Variants in WDR43 observed in about 807,000 individuals in gnomAD.
The protein encoded by WDR43 is WD repeat domain 43.
A neutral mutation model predicts 91.4 loss-of-function variants in WDR43; 13 were observed. The observed-to-expected ratio is 0.14, with a 90% CI of 0.09 to 0.23. The LOEUF is 0.23. WDR43 is among the 10% of genes least tolerant of loss of function. The pLI is 1.00. For missense variants in WDR43, 780 were observed against 809.4 expected, an observed-to-expected ratio of 0.96 and a Z score of 0.44; for synonymous variants, 331 against 287.9, an observed-to-expected ratio of 1.15 and a Z score of -1.51.
intron 9 of WDR43, chr2:28,927,127 T>C (rs771412679): frequency 5.8e-6 from 3 of 519,614 alleles, no homozygotes; most frequent in Non-Finnish European, 1.2e-5. Context: ...GACACCTTTC[T>C]CTTGGCTGTC....
At chr2:28,929,836 G>A (rs1285447082) in intron 11 of WDR43, 126 bp downstream of exon 11, 3 of 1,036,130 alleles carry the variant, frequency 2.9e-6, no homozygotes, top group African/African-American at 1.6e-5. Flanking sequence ...TGTTTTATGA[G>A]TTTAGTCAAA....
At chr2:28,926,764 A>G (rs1671150678) in intron 9 of WDR43, among the ~76,000 whole-genome samples, 1 of 152,180 alleles carries the variant, frequency 6.6e-6, no homozygotes, top group African/African-American at 2.4e-5. Flanking sequence ...CTAGCAGTTG[A>G]AGACCTTGGA....
intron 6 of WDR43, among the ~76,000 whole-genome samples, chr2:28,918,258 A>G (rs1325662653): frequency 6.6e-6 from 1 of 152,168 alleles, no homozygotes; most frequent in Non-Finnish European, 1.5e-5. Context: ...GGATTTTGTT[A>G]CTAGGAGTAT....
At chr2:28,913,774 A>G (rs772921820) in intron 4 of WDR43, 8 of 579,616 alleles carry the variant, frequency 1.4e-5, no homozygotes, top group East Asian at 8.6e-5. Context: ...TAAAATGGAT[A>G]GAATTAAGTG....
chr2:28,936,193 TA>T (rs908262881), intron 12 of WDR43, among the ~76,000 whole-genome samples: 38 of 145,768 alleles, frequency 2.6e-4, no homozygotes, highest in South Asian at 4.3e-4. Context: ...GACCCCATCT[TA>T]AAAAAAAAAA....
chr2:28,899,352 G>T (rs962158728), intron 1 of WDR43, among the ~76,000 whole-genome samples: 1 of 152,168 alleles, frequency 6.6e-6, no homozygotes, highest in African/African-American at 2.4e-5. Context: ...AGAAGTTTCC[G>T]TGGAGGAGGT....
chr2:28,940,212 A>G lies in WDR43; in HGVS notation c.1621-1249A>G, dbSNP rs369446523. Among the ~76,000 whole-genome samples, 7 of 150,496 alleles carry G rather than the reference A, an allele frequency of 4.7e-5. No individual in the cohort carries two copies. In the East Asian group the frequency reaches 1.4e-3, roughly 30 times the overall value. ...CACGGGGGTAGGGGGTGAGGTGGGGAAGCCAGCGTTGTTCTTTTTCTTTTT... is the reference window on the plus strand; with the variant it reads ...CACGGGGGTAGGGGGTGAGGTGGGGGAGCCAGCGTTGTTCTTTTTCTTTTT... On this transcript the variant is annotated intron_variant, in intron 14 of 17. Coordinates refer to ENST00000407426, the MANE Select transcript of WDR43 (RefSeq NM_015131.3).
intron 15 of WDR43, 106 bp from the exon 16 acceptor site, chr2:28,942,206 A>G (rs1671450961): frequency 1.9e-6 from 2 of 1,035,218 alleles, no homozygotes; most frequent in African/African-American, 1.6e-5. Flanking sequence ...ATGGTGGTGG[A>G]GGGTGAGTTA....
chr2:28,912,834 G>A lies in WDR43; in HGVS notation c.606+124G>A, dbSNP rs181945268. 3.1e-6 allele frequency: 4 copies of A among 1,294,976 alleles called. No individual in the cohort carries two copies. In the East Asian group the frequency reaches 1.0e-4, roughly 33 times the overall value. The allele number at this position is 1,294,976 out of a possible 1,614,324, so 80.2% of individuals were successfully genotyped here. A position where few individuals can be genotyped will look rare whatever the true frequency, so the allele number is the denominator to read the frequency against. On this transcript the variant is annotated intron_variant, in intron 4 of 17. Transcript: ENST00000407426. ...TCTTCATTGTCAGGTACATCAAATA[G>A]TTTAGTGGATAAAAGTTAGCCTCCT...
At chr2:28,929,521 C>A in intron 10 of WDR43, 58 bp from the exon 11 acceptor site, 2 of 1,384,824 alleles carry the variant, frequency 1.4e-6, no homozygotes, top group Non-Finnish European at 9.5e-7. Context: ...TTTTTTTTGT[C>A]TCCAAACTAC....
chr2:28,923,302 CG>C, intron 7 of WDR43, among the ~76,000 whole-genome samples: 1 of 152,128 alleles, frequency 6.6e-6, no homozygotes, highest in South Asian at 2.1e-4. Context: ...TATCTTTGAG[CG>C]TGCTTTACTT....
chr2:28,907,446 CAAAAA>C (rs34966684), intron 3 of WDR43, among the ~76,000 whole-genome samples: 2 of 19,242 alleles, frequency 1.0e-4, no homozygotes, highest in Admixed American at 7.6e-4. Flanking sequence ...CACCTCTTTA[CAAAAA>C]AAAAAAAAAA....
intron 10 of WDR43, among the ~76,000 whole-genome samples, chr2:28,928,747 T>G (rs1026202346): frequency 3.3e-5 from 5 of 152,194 alleles, no homozygotes; most frequent in African/African-American, 1.2e-4. Context: ...AATGGTTTGA[T>G]CTTGGCTCAC....
intron 12 of WDR43, 147 bp downstream of exon 12, chr2:28,935,754 A>G (rs74949295): frequency 7.7e-6 from 2 of 259,560 alleles, no homozygotes; most frequent in East Asian, 1.3e-4. Context: ...AGACAAAAAA[A>G]AAAAAAAAAA....
intron 3 of WDR43, among the ~76,000 whole-genome samples, chr2:28,909,294 A>G (rs1441550210): frequency 6.6e-6 from 1 of 152,004 alleles, no homozygotes; most frequent in Non-Finnish European, 1.5e-5. Flanking sequence ...ACCTGCCACC[A>G]TGCCTGGCTA....
At chr2:28,927,409 T>C (rs1471800406) in intron 9 of WDR43, 160 bp from the exon 10 acceptor site, 2 of 888,180 alleles carry the variant, frequency 2.3e-6, no homozygotes, top group African/African-American at 1.7e-5. Flanking sequence ...TTAAAAAGTT[T>C]GTCAACATTC....
Position 28,929,625 on chromosome 2 carries a change from A to G in WDR43, c.1352A>G (p.Lys451Arg), listed in dbSNP as rs763896591. 2 of 1,613,798 alleles carry G rather than the reference A, an allele frequency of 1.2e-6. No individual in the cohort carries two copies. Among genetic ancestry groups the G allele is most frequent in the Admixed American group, 3.3e-5 (2 of 60,016 alleles). ...GGAGCAATGGATATAGACACACACA[A>G]AAAAGGAAAGGAAGACCTCCAGACG... ...RLGAMDIDTH[K>R]KGKEDLQTNS... Residue 451 changes from lysine (K) to arginine (R), a missense_variant, in exon 11 of 18, where the codon AAA becomes AGA. Physicochemically the swap from Lys to Arg is conservative, Grantham distance 26. Coordinates refer to ENST00000407426, the MANE Select transcript of WDR43 (RefSeq NM_015131.3).
At position 28,901,975 on chromosome 2, in the gene WDR43, C is replaced by CT. The variant is rs752743775; in HGVS notation, c.226-5dup. On this transcript the variant is annotated splice_polypyrimidine_tract_variant and intron_variant, in intron 1 of 17. Transcript: ENST00000407426. The stretch of plus-strand genomic sequence containing the variant: ...AATACTAAATAAAAACATTGTTTTT[C>CT]TTTTTTTCCAGGAAAGTCCCCAGAG... 2 of 1,580,776 alleles carry CT rather than the reference C, an allele frequency of 1.3e-6. No homozygotes were observed. The highest frequency in any genetic ancestry group is 1.7e-6 in the Non-Finnish European group (2 of 1,170,786).
intron 7 of WDR43, among the ~76,000 whole-genome samples, chr2:28,923,224 A>G (rs1237470522): frequency 2.0e-5 from 3 of 152,220 alleles, no homozygotes; most frequent in African/African-American, 7.2e-5. Flanking sequence ...GATAATTCTA[A>G]TGATACATTT....
Sources: allele counts gnomAD v4.1 joint callset (sites outside exome capture counted in the v4.1 genomes callset), GRCh38; gene constraint gnomAD v4.1.1; transcripts MANE v1.5; gene names NCBI Gene and HGNC (gene_info 2026-07-23, HGNC 2026-07-21).